Variants in FBXL20 observed in about 807,000 individuals in gnomAD.
The protein encoded by FBXL20 is F-box and leucine rich repeat protein 20, also known as F-box/LRR-repeat protein 20.
A neutral mutation model predicts 64.0 loss-of-function variants in FBXL20; 11 were observed. The ratio of observed to expected loss-of-function variants is 0.17; its 90% CI spans 0.11 to 0.28. The LOEUF (loss-of-function observed/expected upper bound fraction) is 0.28. FBXL20 is among the 10% of genes least tolerant of loss of function. The pLI, the probability that FBXL20 is intolerant of heterozygous loss-of-function variation, is 1.00. For synonymous variants in FBXL20, 184 were observed against 189.0 expected (o/e 0.97, Z 0.22); for missense variants, 303 against 526.2 (o/e 0.58, Z 4.15).
In FBXL20 at chr17:39,383,590, C is replaced by CTT. The variant is rs545087479; in HGVS notation, c.42+17769_42+17770dup. Among the ~76,000 whole-genome samples the CTT allele has an allele frequency of 9.0e-4, 116 of 128,532 alleles. 2 individuals are homozygous for CTT. Among genetic ancestry groups the CTT allele is most frequent in the African/African-American group, 3.4e-3 (109 of 32,484 alleles). 84.3% of individuals were successfully genotyped at this position (128,532 alleles called of 152,430 possible). A position where few individuals can be genotyped will look rare whatever the true frequency, so the allele number is the denominator to read the frequency against. ...GTCTCTTTTTGTGATACTTTATATG[C>CTT]TTTTTTTTTTTTTTTTTGAGATGGA... On this transcript the variant is annotated intron_variant, in intron 1 of 14. Transcript: ENST00000264658.
At chr17:39,365,086 T>C (rs1050979541) in intron 1 of FBXL20, among the ~76,000 whole-genome samples, 2 of 152,190 alleles carry the variant, frequency 1.3e-5, no homozygotes, top group Admixed American at 6.5e-5. Context: ...GGTAGCCCAA[T>C]ACAGGTCAAA....
At chr17:39,401,160 G>C (rs1311511553) in intron 1 of FBXL20, among the ~76,000 whole-genome samples, 1 of 152,296 alleles carries the variant, frequency 6.6e-6, no homozygotes, top group African/African-American at 2.4e-5. Context: ...GAAGAGACGG[G>C]GGGCGAACCG....
At chr17:39,385,828 G>A (rs1055296317) in intron 1 of FBXL20, among the ~76,000 whole-genome samples, 5 of 149,950 alleles carry the variant, frequency 3.3e-5, no homozygotes, top group African/African-American at 4.9e-5. Flanking sequence ...TCAAGAGATC[G>A]AGACCATCCT....
chr17:39,376,890 G>A lies in FBXL20; in HGVS notation c.42+24471C>T, dbSNP rs2047972312. On this transcript the variant is annotated intron_variant, in intron 1 of 14. Coordinates refer to ENST00000264658, the MANE Select transcript of FBXL20 (RefSeq NM_032875.3). The stretch of plus-strand genomic sequence containing the variant: ...AAACCACCTTTGCAAAATTATGACT[G>A]AGACAGTGAAAGAGATCTAACTTAA... Among the ~76,000 whole-genome samples, 3 of 152,182 alleles carry A rather than the reference G, an allele frequency of 2.0e-5. No individual in the cohort carries two copies. In the South Asian group the frequency reaches 6.2e-4, roughly 32 times the overall value.
At position 39,394,262 on chromosome 17, in the gene FBXL20, A is replaced by T. The variant is rs1171374167; in HGVS notation, c.42+7099T>A. On this transcript the variant is annotated intron_variant, in intron 1 of 14. Coordinates refer to ENST00000264658, the MANE Select transcript of FBXL20 (RefSeq NM_032875.3). ...ATACCCTTCTAAAAACCACAGTACT[A>T]GTTAGATTACTGAAACTTTTTTTTT... Among the ~76,000 whole-genome samples the T allele has an allele frequency of 1.0e-4, 15 of 150,178 alleles. No individual in the cohort carries two copies. The Admixed American group carries it at 1.0e-3, about 10-fold the overall frequency.
At chr17:39,364,523 T>C (rs2047839166) in intron 1 of FBXL20, among the ~76,000 whole-genome samples, 2 of 152,106 alleles carry the variant, frequency 1.3e-5, no homozygotes, top group African/African-American at 4.8e-5. Context: ...GCGGGAGGAT[T>C]GCTTGAGCCA....
At chr17:39,269,488 C>T (rs993598037) in intron 11 of FBXL20, among the ~76,000 whole-genome samples, 15 of 151,116 alleles carry the variant, frequency 9.9e-5, no homozygotes, top group Non-Finnish European at 1.3e-4. Context: ...CCATCGCGCC[C>T]GGCCTTTCCT....
intron 10 of FBXL20, among the ~76,000 whole-genome samples, chr17:39,272,882 C>T (rs563929918): frequency 6.6e-6 from 1 of 152,066 alleles, no homozygotes; most frequent in Non-Finnish European, 1.5e-5. Flanking sequence ...GAAGACTCCT[C>T]TCTCTACAGT....
intron 2 of FBXL20, among the ~76,000 whole-genome samples, chr17:39,325,967 G>A (rs538771034): frequency 6.6e-6 from 1 of 152,186 alleles, no homozygotes; most frequent in South Asian, 2.1e-4. Flanking sequence ...TAGATCATGG[G>A]GGCAGATCCC....
intron 1 of FBXL20, among the ~76,000 whole-genome samples, chr17:39,380,892 G>A (rs2048015792): frequency 6.6e-6 from 1 of 152,144 alleles, no homozygotes; most frequent in Non-Finnish European, 1.5e-5. Context: ...GGGCGTGGTG[G>A]CTCACACCTG....
rs71300077 is a variant in FBXL20 at position 39,319,673 on chromosome 17, C to CAAAAAAA, written c.105-16041_105-16035dup. On this transcript the variant is annotated intron_variant, in intron 2 of 14. Coordinates refer to ENST00000264658, the MANE Select transcript of FBXL20 (RefSeq NM_032875.3). ...TGGGCAACACAGCAAGACTCCATATCAAAAAAAAAAAAAAAAAAAAAAACT... is the reference window on the plus strand; with the variant it reads ...TGGGCAACACAGCAAGACTCCATATCAAAAAAAAAAAAAAAAAAAAAAAAAAAAAACT... 5.6e-3 allele frequency among the ~76,000 whole-genome samples: 263 copies of CAAAAAAA among 47,196 alleles called. 1 individual carries two copies. Among genetic ancestry groups the CAAAAAAA allele is most frequent in the African/African-American group, 0.015 (200 of 12,996 alleles). 31.0% of individuals were successfully genotyped at this position (47,196 alleles called of 152,430 possible).
Position 39,401,611 on chromosome 17 carries a change from T to C in FBXL20, c.-209A>G. ...GGCGGCCGCAACGACTGCTCGTCGC[T>C]AGCTCGGCTCTCTCCTCAGCCTCAA... On this transcript the variant is annotated 5_prime_UTR_variant, in exon 1 of 15. Transcript: ENST00000264658. 1 of 1,397,816 alleles carries C rather than the reference T, an allele frequency of 7.2e-7. No individual in the cohort carries two copies. The highest frequency in any genetic ancestry group is 9.2e-7 in the Non-Finnish European group (1 of 1,084,294). The allele number at this position is 1,397,816 out of a possible 1,614,324, so 86.6% of individuals were successfully genotyped here.
At chr17:39,288,964 A>G (rs2047013053) in intron 6 of FBXL20, among the ~76,000 whole-genome samples, 1 of 152,142 alleles carries the variant, frequency 6.6e-6, no homozygotes, top group Non-Finnish European at 1.5e-5. Flanking sequence ...CGGCCTCCCA[A>G]AGTGCTGGGA....
At chr17:39,341,734 T>C (rs186738055) in intron 2 of FBXL20, among the ~76,000 whole-genome samples, 59 of 152,334 alleles carry the variant, frequency 3.9e-4, no homozygotes, top group African/African-American at 1.3e-3. Context: ...ACTGGCTTGG[T>C]ATCTTGTGCA....
intron 2 of FBXL20, among the ~76,000 whole-genome samples, chr17:39,335,167 A>G (rs1197005885): frequency 6.6e-6 from 1 of 152,136 alleles, no homozygotes; most frequent in African/African-American, 2.4e-5. Flanking sequence ...TTGTTCCTTA[A>G]AAAGTAAGAA....
intron 7 of FBXL20, among the ~76,000 whole-genome samples, chr17:39,284,491 C>T (rs983694346): frequency 1.3e-5 from 2 of 152,208 alleles, no homozygotes; most frequent in African/African-American, 4.8e-5. Flanking sequence ...AGTGATCCTC[C>T]TGCTTCAGTC....
chr17:39,371,470 T>G (rs2047917954), intron 1 of FBXL20, among the ~76,000 whole-genome samples: 1 of 152,002 alleles, frequency 6.6e-6, no homozygotes, highest in Non-Finnish European at 1.5e-5. Context: ...TACAGCTAGA[T>G]GAGGGAAGGA....
At chr17:39,363,844 A>C (rs1234015897) in intron 1 of FBXL20, among the ~76,000 whole-genome samples, 2 of 148,714 alleles carry the variant, frequency 1.3e-5, no homozygotes, top group Non-Finnish European at 3.0e-5. Context: ...CAAAAAAAAA[A>C]ACAATAAAAA....
chr17:39,297,071 G>T, intron 6 of FBXL20, 56 bp downstream of exon 6: 2 of 1,245,266 alleles, frequency 1.6e-6, no homozygotes, highest in East Asian at 2.4e-5. Flanking sequence ...ATTTAAGGTT[G>T]TATCAGCCAG....
Sources: allele counts gnomAD v4.1 joint callset (sites outside exome capture counted in the v4.1 genomes callset), GRCh38; gene constraint gnomAD v4.1.1; transcripts MANE v1.5; gene names NCBI Gene and HGNC (gene_info 2026-07-23, HGNC 2026-07-21).